SLC44A5: variants seen among roughly 807,000 people sequenced by gnomAD.
The protein encoded by SLC44A5 is choline transporter-like protein 5.
In SLC44A5, 57 loss-of-function variants were observed where a neutral mutation model predicts 101.8. The ratio of observed to expected loss-of-function variants is 0.56; its 90% CI spans 0.45 to 0.70. The LOEUF is 0.70. Ranked by LOEUF, SLC44A5 falls within the 30% of genes least tolerant of loss-of-function variation. SLC44A5 has a pLI of 0.00. For synonymous variants in SLC44A5, 281 were observed against 290.9 expected, an observed-to-expected ratio of 0.97 and a Z score of 0.35; for missense variants, 737 against 853.1, an observed-to-expected ratio of 0.86 and a Z score of 1.70.
chr1:75,387,041 C>T (rs1353736466), intron 3 of SLC44A5, among the ~76,000 whole-genome samples: 2 of 151,892 alleles, frequency 1.3e-5, no homozygotes, highest in Admixed American at 6.6e-5. Context: ...CTTCCTTACA[C>T]CTTATACAAA....
chr1:75,344,549 G>T (rs968427743), intron 3 of SLC44A5, among the ~76,000 whole-genome samples: 1 of 152,096 alleles, frequency 6.6e-6, no homozygotes, highest in African/African-American at 2.4e-5. Context: ...TACTTCTATA[G>T]GGAAAAGGGA....
At chr1:75,226,376 T>G (rs1015284939) in intron 13 of SLC44A5, among the ~76,000 whole-genome samples, 1 of 152,148 alleles carries the variant, frequency 6.6e-6, no homozygotes, top group Non-Finnish European at 1.5e-5. Flanking sequence ...CTGAGCCCCT[T>G]TGCTAAAATA....
At chr1:75,304,482 T>G (rs999183908) in intron 4 of SLC44A5, among the ~76,000 whole-genome samples, 2 of 152,320 alleles carry the variant, frequency 1.3e-5, no homozygotes, top group African/African-American at 4.8e-5. Context: ...GGGCACCATT[T>G]TGTGAGTCAA....
At chr1:75,345,377 T>C (rs1407576652) in intron 3 of SLC44A5, among the ~76,000 whole-genome samples, 1 of 152,104 alleles carries the variant, frequency 6.6e-6, no homozygotes, top group Non-Finnish European at 1.5e-5. Flanking sequence ...TTTGCCCCTC[T>C]AACCTTCCAT....
chr1:75,291,546 A>G (rs1002549413), intron 5 of SLC44A5, among the ~76,000 whole-genome samples: 3 of 152,170 alleles, frequency 2.0e-5, no homozygotes, highest in African/African-American at 7.2e-5. Context: ...TGATCACATG[A>G]CGGAGGTCAG....
chr1:75,701,730 G>C, the SLC44A5 span, among the ~76,000 whole-genome samples: 1 of 152,168 alleles, frequency 6.6e-6, no homozygotes, highest in African/African-American at 2.4e-5. Flanking sequence ...CCTGTTTGCC[G>C]ATGACATGAT....
At chr1:75,429,463 A>G (rs1370737570) in intron 2 of SLC44A5, among the ~76,000 whole-genome samples, 1 of 152,242 alleles carries the variant, frequency 6.6e-6, no homozygotes, top group Non-Finnish European at 1.5e-5. Context: ...TTCTTGGGCA[A>G]GTGAGGGCTA....
chr1:75,446,968 T>C (rs1193155302), intron 2 of SLC44A5, among the ~76,000 whole-genome samples: 2 of 152,290 alleles, frequency 1.3e-5, no homozygotes, highest in East Asian at 1.9e-4. Context: ...TCATTTCAAA[T>C]ACATTGTATT....
chr1:75,257,900 C>T (rs895259039), intron 6 of SLC44A5, among the ~76,000 whole-genome samples: 2 of 152,004 alleles, frequency 1.3e-5, no homozygotes, highest in African/African-American at 4.8e-5. Flanking sequence ...CCAGGGAGGG[C>T]GAGCCAAAGC....
At chr1:75,454,367 C>A (rs1367126143) in intron 2 of SLC44A5, among the ~76,000 whole-genome samples, 1 of 151,786 alleles carries the variant, frequency 6.6e-6, no homozygotes, top group Non-Finnish European at 1.5e-5. Flanking sequence ...TGATTAAAAC[C>A]CTTAAGAAAC....
At chr1:75,322,836 T>C (rs927010265) in intron 4 of SLC44A5, among the ~76,000 whole-genome samples, 2 of 152,182 alleles carry the variant, frequency 1.3e-5, no homozygotes, top group Admixed American at 1.3e-4. Flanking sequence ...CAACCTTGTC[T>C]TTGCCACCAA....
At chr1:75,668,084 G>A in the SLC44A5 span, among the ~76,000 whole-genome samples, 2 of 152,054 alleles carry the variant, frequency 1.3e-5, no homozygotes, top group Admixed American at 1.3e-4. Context: ...TCCTCTAAGA[G>A]TGTCTATTGC....
chr1:75,638,601 T>A, the SLC44A5 span, among the ~76,000 whole-genome samples: 2 of 152,038 alleles, frequency 1.3e-5, no homozygotes, highest in Non-Finnish European at 2.9e-5. Context: ...GCTGAAATCA[T>A]AAAGTTTCTC....
At chr1:75,399,340 T>G (rs1249779) in intron 2 of SLC44A5, among the ~76,000 whole-genome samples, 95,944 of 151,950 alleles carry the variant, frequency 0.63, 31,916 homozygotes, top group East Asian at 0.96. Flanking sequence ...CAATGATTTA[T>G]ATTTAATCTA....
At chr1:75,248,170 A>C (rs1405088548) in intron 7 of SLC44A5, among the ~76,000 whole-genome samples, 2 of 152,080 alleles carry the variant, frequency 1.3e-5, no homozygotes, top group East Asian at 3.9e-4. Context: ...AAGGATAGAA[A>C]GGATACTAGA....
chr1:75,626,427 A>G, the SLC44A5 span, among the ~76,000 whole-genome samples: 1 of 152,174 alleles, frequency 6.6e-6, no homozygotes. Context: ...TCATAGAAAA[A>G]CAGTTCAAAC....
At chr1:75,219,682 A>T (rs1647036112) in intron 15 of SLC44A5, 118 bp downstream of exon 15, 1 of 657,036 alleles carries the variant, frequency 1.5e-6, no homozygotes, top group African/African-American at 1.8e-5. Context: ...GGAAAAAAAT[A>T]GTTATTTCTT....
At chr1:75,489,652 C>T (rs1668332944) in intron 2 of SLC44A5, among the ~76,000 whole-genome samples, 1 of 152,110 alleles carries the variant, frequency 6.6e-6, no homozygotes, top group African/African-American at 2.4e-5. Flanking sequence ...TAGGTGATGG[C>T]ATGAATGAAA....
the SLC44A5 span, among the ~76,000 whole-genome samples, chr1:75,695,700 T>C: frequency 6.7e-6 from 1 of 148,430 alleles, no homozygotes; most frequent in East Asian, 1.9e-4. Flanking sequence ...TATTTATATA[T>C]GTATATAAAA....
Sources: gnomAD v4.1 joint callset for allele counts (sites outside exome capture counted in the v4.1 genomes callset) on GRCh38, gnomAD v4.1.1 for gene constraint, MANE v1.5 for transcripts, NCBI Gene and HGNC (gene_info 2026-07-23, HGNC 2026-07-21) for gene names.